Variants in ANGPTL1 observed in about 807,000 individuals in gnomAD.
ANGPTL1 encodes angiopoietin like 1.
Under a neutral mutation model 46.7 loss-of-function variants are expected in ANGPTL1, and 36 were observed. The ratio of observed to expected loss-of-function variants is 0.77; its 90% CI spans 0.59 to 1.02. The LOEUF (loss-of-function observed/expected upper bound fraction) is 1.02, where lower values mean the gene tolerates loss of function less well. ANGPTL1 is among the 50% of genes least tolerant of loss of function. The pLI is 0.00. For synonymous variants in ANGPTL1, 221 were observed against 204.3 expected, an observed-to-expected ratio of 1.08 and a Z score of -0.69; for missense variants, 571 against 594.7, an observed-to-expected ratio of 0.96 and a Z score of 0.41.
chr1:178,859,443 C>T (rs1388652795), intron 3 of ANGPTL1, among the ~76,000 whole-genome samples: 3 of 130,764 alleles, frequency 2.3e-5, no homozygotes, highest in East Asian at 2.2e-4. Context: ...CTCGCTCTGT[C>T]GCCAGGCTGG....
At chr1:178,859,968 C>T (rs953429489) in intron 3 of ANGPTL1, among the ~76,000 whole-genome samples, 2 of 151,972 alleles carry the variant, frequency 1.3e-5, no homozygotes, top group South Asian at 2.1e-4. Context: ...CCACCCGTCT[C>T]GGCTACACAA....
intron 3 of ANGPTL1, among the ~76,000 whole-genome samples, chr1:178,855,075 C>T (rs114318616): frequency 0.012 from 1,770 of 152,164 alleles, 53 homozygotes; most frequent in African/African-American, 0.04. Flanking sequence ...AGAGTTTAGT[C>T]AAGTAAAGTT....
chr1:178,865,104 TAGGAATA>T lies in ANGPTL1; in HGVS notation c.666_672del (p.His222GlnfsTer26), dbSNP rs765969288. The T allele has an allele frequency of 6.4e-7, 1 of 1,568,272 alleles. No individual in the cohort carries two copies. On this transcript the variant is annotated frameshift_variant, in exon 3 of 6. Transcript: ENST00000234816. LOFTEE classifies it high-confidence loss of function. ...AGACCAGGAGTATACTGTTGGCTGTTAGGAATATGTTGTGGCACCACCTGGACAAGTG... is the reference window on the plus strand; with the variant it reads ...AGACCAGGAGTATACTGTTGGCTGTTTGTTGTGGCACCACCTGGACAAGTG...
At chr1:178,866,667 G>T (rs1285443655) in intron 2 of ANGPTL1, among the ~76,000 whole-genome samples, 1 of 152,086 alleles carries the variant, frequency 6.6e-6, no homozygotes, top group Non-Finnish European at 1.5e-5. Flanking sequence ...ATGCCTTAGA[G>T]ACCCTGTCAT....
chr1:178,858,286 G>C (rs1047862609), intron 3 of ANGPTL1, among the ~76,000 whole-genome samples: 12 of 151,856 alleles, frequency 7.9e-5, no homozygotes, highest in African/African-American at 2.7e-4. Context: ...TTTACTTTCT[G>C]CCCTAAAATT....
At chr1:178,852,443 G>C (rs1657235904) in intron 5 of ANGPTL1, among the ~76,000 whole-genome samples, 1 of 152,070 alleles carries the variant, frequency 6.6e-6, no homozygotes, top group African/African-American at 2.4e-5. Flanking sequence ...AGATTAATGT[G>C]TTTCTGTTTT....
intron 3 of ANGPTL1, among the ~76,000 whole-genome samples, chr1:178,857,308 C>G (rs1391585033): frequency 6.6e-6 from 1 of 152,096 alleles, no homozygotes. Flanking sequence ...CTATGTGATT[C>G]CTAGTAGGCA....
intron 3 of ANGPTL1, among the ~76,000 whole-genome samples, chr1:178,860,892 T>C (rs1252914934): frequency 6.6e-6 from 1 of 152,198 alleles, no homozygotes; most frequent in Admixed American, 6.5e-5. Context: ...CTAAACAGCC[T>C]GAGACATTTT....
chr1:178,862,244 A>G (rs955507621), intron 3 of ANGPTL1, among the ~76,000 whole-genome samples: 1 of 151,984 alleles, frequency 6.6e-6, no homozygotes, highest in African/African-American at 2.4e-5. Flanking sequence ...AACTTAGAAC[A>G]GTATAAAATG....
At chr1:178,860,898 A>T (rs146754088) in intron 3 of ANGPTL1, among the ~76,000 whole-genome samples, 229 of 152,222 alleles carry the variant, frequency 1.5e-3, no homozygotes, top group Middle Eastern at 6.8e-3. Context: ...AGCCTGAGAC[A>T]TTTTTTTCCA....
intron 2 of ANGPTL1, among the ~76,000 whole-genome samples, chr1:178,866,467 A>C (rs1389876719): frequency 2.0e-5 from 3 of 152,156 alleles, no homozygotes; most frequent in Admixed American, 6.6e-5. Context: ...GAATGCTCAC[A>C]GTCATTGTGG....
chr1:178,856,198 G>GATATAT (rs1232946834), intron 3 of ANGPTL1, among the ~76,000 whole-genome samples: 14 of 47,260 alleles, frequency 3.0e-4, no homozygotes, highest in African/African-American at 6.8e-4. Context: ...TCCAGAGAGA[G>GATATAT]AGAGATATAT....
rs1341488520 is a variant in ANGPTL1 at position 178,850,143 on chromosome 1, C to T, written c.*986G>A. On this transcript the variant is annotated 3_prime_UTR_variant, in exon 6 of 6. Coordinates refer to ENST00000234816, the MANE Select transcript of ANGPTL1 (RefSeq NM_004673.4). ...TGTTGAATTCTCAGTATCGGGAAAACAGCCAACAGTTCCTTGAGTTTGTTT... is the reference window on the plus strand; with the variant it reads ...TGTTGAATTCTCAGTATCGGGAAAATAGCCAACAGTTCCTTGAGTTTGTTT... The T allele has an allele frequency of 6.6e-6, 1 of 152,658 alleles. No homozygotes were observed. The highest frequency in any genetic ancestry group is 1.5e-5 in the Non-Finnish European group (1 of 68,052). 9.5% of individuals were successfully genotyped at this position (152,658 alleles called of 1,614,324 possible).
chr1:178,856,190 C>CAG (rs139246466), intron 3 of ANGPTL1, among the ~76,000 whole-genome samples: 769 of 68,940 alleles, frequency 0.011, 18 homozygotes, highest in African/African-American at 0.031. Context: ...TGTACTTTTC[C>CAG]AGAGAGAGAG....
At position 178,869,114 on chromosome 1, in the gene ANGPTL1, GT is replaced by G. The variant is rs969837817; in HGVS notation, c.-28del. ...TATAAATTAGTTATAGAATACTTACGTTTAAATTTAAGTCTTTACTTAGTTG... is the reference window on the plus strand; with the variant it reads ...TATAAATTAGTTATAGAATACTTACGTTAAATTTAAGTCTTTACTTAGTTG... On this transcript the variant is annotated splice_region_variant and 5_prime_UTR_variant, in exon 2 of 6. Transcript: ENST00000234816. 2 of 151,880 alleles carry G rather than the reference GT, an allele frequency of 1.3e-5. No homozygotes were observed. The highest frequency in any genetic ancestry group is 2.9e-5 in the Non-Finnish European group (2 of 67,902). 9.4% of individuals were successfully genotyped at this position (151,880 alleles called of 1,614,324 possible).
chr1:178,851,264 A>G lies in ANGPTL1; in HGVS notation c.1341T>C (p.His447=). Residue 447 remains histidine (H), a synonymous_variant, in exon 6 of 6, where the codon CAT becomes CAC. Coordinates refer to ENST00000234816, the MANE Select transcript of ANGPTL1 (RefSeq NM_004673.4). ...KGGWWYNACA[H]SNLNGVWYRG... ...TGTACCATACTCCATTTAGGTTAGA[A>G]TGTGCACAGGCATTGTACCACCAGC... is the stretch of plus-strand genomic sequence containing the variant. The G allele has an allele frequency of 6.2e-7, 1 of 1,613,842 alleles. No homozygotes were observed. Among genetic ancestry groups the G allele is most frequent in the Non-Finnish European group, 8.5e-7 (1 of 1,179,848 alleles).
chr1:178,859,145 T>TTTTTA (rs1015842842), intron 3 of ANGPTL1, among the ~76,000 whole-genome samples: 1 of 152,054 alleles, frequency 6.6e-6, no homozygotes, highest in Non-Finnish European at 1.5e-5. Flanking sequence ...CCCAAACTTT[T>TTTTTA]AATTATTAAA....
chr1:178,870,642 T>C (rs1311621792), intron 1 of ANGPTL1, 99 bp downstream of exon 1: 1 of 152,194 alleles, frequency 6.6e-6, no homozygotes, highest in Non-Finnish European at 1.5e-5. Flanking sequence ...ATTCCAAAGG[T>C]CTTTGTTTAG....
At chr1:178,858,212 C>T (rs1312212109) in intron 3 of ANGPTL1, among the ~76,000 whole-genome samples, 5 of 152,050 alleles carry the variant, frequency 3.3e-5, no homozygotes, top group African/African-American at 1.2e-4. Context: ...ATTAACCTGT[C>T]TTAGTCCAGT....
Sources: gnomAD v4.1 joint callset for allele counts (sites outside exome capture counted in the v4.1 genomes callset) on GRCh38, gnomAD v4.1.1 for gene constraint, MANE v1.5 for transcripts, NCBI Gene and HGNC (gene_info 2026-07-23, HGNC 2026-07-21) for gene names.